Variants in KANK1 observed in about 807,000 individuals in gnomAD.
The protein encoded by KANK1 is KN motif and ankyrin repeat domains 1.
KANK1 carries 109 observed loss-of-function variants against 106.2 expected under a neutral mutation model. The observed-to-expected ratio is 1.03, with a 90% CI of 0.88 to 1.20. The LOEUF (loss-of-function observed/expected upper bound fraction) is 1.20, where lower values mean the gene tolerates loss of function less well. Ranked by LOEUF, KANK1 falls within the 50% of genes most tolerant of loss-of-function variation. KANK1 has a pLI of 0.00. For synonymous variants in KANK1, 873 were observed against 652.2 expected, an observed-to-expected ratio of 1.34 and a Z score of -5.16; for missense variants, 2,399 against 1,710.7, an observed-to-expected ratio of 1.40 and a Z score of -7.10.
At chr9:523,139 C>G (rs1333288220) in intron 1 of KANK1, among the ~76,000 whole-genome samples, 1 of 151,136 alleles carries the variant, frequency 6.6e-6, no homozygotes, top group African/African-American at 2.5e-5. Flanking sequence ...CAGTTCCACT[C>G]TGTAAGGCCC....
At chr9:476,076 C>T (rs1394407545) in intron 3 of KANK1, among the ~76,000 whole-genome samples, 1 of 151,520 alleles carries the variant, frequency 6.6e-6, no homozygotes, top group Non-Finnish European at 1.5e-5. Context: ...TAGTCTTGAA[C>T]TCCTGGCCTC....
chr9:660,842 T>G (rs1396520006), intron 1 of KANK1, among the ~76,000 whole-genome samples: 3 of 152,154 alleles, frequency 2.0e-5, no homozygotes, highest in Non-Finnish European at 4.4e-5. Context: ...GAGGCCCCCT[T>G]CCCAATAGCG....
chr9:534,384 C>G (rs752800355), intron 1 of KANK1, among the ~76,000 whole-genome samples: 1 of 152,102 alleles, frequency 6.6e-6, no homozygotes, highest in Non-Finnish European at 1.5e-5. Context: ...GCTGGGGAGG[C>G]TGTGGATTTC....
intron 2 of KANK1, chr9:470,722 A>C (rs1295899732): frequency 2.0e-5 from 3 of 152,254 alleles, no homozygotes; most frequent in Non-Finnish European, 4.4e-5. Flanking sequence ...CCTGTGCTCC[A>C]CCGTGGCCCC....
chr9:709,595 A>G (rs1335563286), intron 2 of KANK1, among the ~76,000 whole-genome samples: 2 of 150,088 alleles, frequency 1.3e-5, no homozygotes, highest in East Asian at 1.9e-4. Flanking sequence ...TATCTACTGG[A>G]CAATGCTTTC....
At chr9:484,308 C>A (rs770922895) in intron 3 of KANK1, 5 of 152,378 alleles carry the variant, frequency 3.3e-5, no homozygotes, top group African/African-American at 9.6e-5. Context: ...CACCTAACTT[C>A]TCTGAACCAT....
At chr9:611,937 C>G (rs902436651) in intron 1 of KANK1, among the ~76,000 whole-genome samples, 10 of 152,182 alleles carry the variant, frequency 6.6e-5, no homozygotes, top group African/African-American at 2.4e-4. Flanking sequence ...CCAGGATGGT[C>G]TCGATCTCCT....
intron 3 of KANK1, among the ~76,000 whole-genome samples, chr9:483,791 G>C (rs11792163): frequency 0.095 from 14,517 of 152,078 alleles, 1,237 homozygotes; most frequent in East Asian, 0.46. Context: ...AGGCACTCTT[G>C]ACAACCTGCT....
intron 3 of KANK1, among the ~76,000 whole-genome samples, chr9:482,770 A>G (rs544916696): frequency 6.6e-6 from 1 of 152,344 alleles, no homozygotes; most frequent in African/African-American, 2.4e-5. Flanking sequence ...TTGATGTATG[A>G]ATTTGTATCG....
At chr9:684,434 A>G (rs892948238) in intron 2 of KANK1, 4 of 985,282 alleles carry the variant, frequency 4.1e-6, no homozygotes, top group Non-Finnish European at 4.8e-6. Context: ...TAAACACCCA[A>G]CAGGGAGATT....
At chr9:606,160 C>CAG in intron 1 of KANK1, among the ~76,000 whole-genome samples, 1 of 150,936 alleles carries the variant, frequency 6.6e-6, no homozygotes. Context: ...CACACACACA[C>CAG]ACACACACAC....
At chr9:727,489 G>T (rs1831009238) in intron 3 of KANK1, among the ~76,000 whole-genome samples, 1 of 152,000 alleles carries the variant, frequency 6.6e-6, no homozygotes, top group African/African-American at 2.4e-5. Context: ...GCTAATTTTT[G>T]TATTTTTGTA....
At chr9:617,153 AAATAT>A (rs1388816433) in intron 1 of KANK1, among the ~76,000 whole-genome samples, 3 of 152,148 alleles carry the variant, frequency 2.0e-5, no homozygotes, top group African/African-American at 2.4e-5. Flanking sequence ...ATGTCTAATA[AAATAT>A]AATAAAGAGT....
At chr9:556,769 C>T (rs562723536) in intron 1 of KANK1, among the ~76,000 whole-genome samples, 106 of 152,252 alleles carry the variant, frequency 7.0e-4, no homozygotes, top group African/African-American at 2.4e-3. Context: ...TTTCCACTTT[C>T]TTGGGCCAGA....
intron 3 of KANK1, among the ~76,000 whole-genome samples, chr9:484,800 C>A (rs975758563): frequency 3.3e-5 from 5 of 152,132 alleles, no homozygotes; most frequent in African/African-American, 1.2e-4. Flanking sequence ...TGGGCAGCAC[C>A]CAGGCAGAGA....
At chr9:573,470 C>T (rs959220680) in intron 1 of KANK1, among the ~76,000 whole-genome samples, 5 of 151,968 alleles carry the variant, frequency 3.3e-5, no homozygotes, top group African/African-American at 9.7e-5. Flanking sequence ...TAGGGTTTCA[C>T]CGTGTTAGCC....
At position 712,952 on chromosome 9, in the gene KANK1, C is replaced by T. The variant is rs981509179; in HGVS notation, c.2186C>T (p.Ser729Phe). ...GAAGGCCGTGTCAAGGACATCAACT[C>T]CTCCACCAAGACGCGGTCCATTGGT... ...VGEGRVKDIN[S>F]STKTRSIGVG... is the part of the protein sequence containing the mutation. Residue 729 changes from serine to phenylalanine, a missense_variant, in exon 3 of 12, where the codon TCC (serine) becomes TTC (phenylalanine). By Grantham distance (155) the Ser-to-Phe change is radical. Transcript: ENST00000382297. The T allele has an allele frequency of 3.1e-6, 5 of 1,614,210 alleles. No homozygotes were observed. The highest frequency in any genetic ancestry group is 4.2e-6 in the Non-Finnish European group (5 of 1,180,044).
chr9:682,647 C>T (rs1246904047), intron 2 of KANK1, among the ~76,000 whole-genome samples: 1 of 152,140 alleles, frequency 6.6e-6, no homozygotes, highest in Non-Finnish European at 1.5e-5. Flanking sequence ...GAACATCTTC[C>T]CTGGTCATTT....
chr9:732,634 T>G lies in KANK1; in HGVS notation c.3245+17T>G. ...CAGAGAGAGGTGTGGTACATTCCCC[T>G]TCCCTCCCTTGCCCCTCCCACATTT... On this transcript the variant is annotated intron_variant, in intron 6 of 11. Coordinates refer to ENST00000382297, the MANE Select transcript of KANK1 (RefSeq NM_015158.5). 1 of 1,608,464 alleles carries G rather than the reference T, an allele frequency of 6.2e-7. No individual in the cohort carries two copies. The highest frequency in any genetic ancestry group is 8.5e-7 in the Non-Finnish European group (1 of 1,175,692).
Sources: allele counts gnomAD v4.1 joint callset (sites outside exome capture counted in the v4.1 genomes callset), GRCh38; gene constraint gnomAD v4.1.1; transcripts MANE v1.5; gene names NCBI Gene and HGNC (gene_info 2026-07-23, HGNC 2026-07-21).